The following FAT3 variants were observed in gnomAD, a reference collection of about 807,000 sequenced individuals.
FAT3 encodes the protein FAT atypical cadherin 3.
Under a neutral mutation model 310.2 loss-of-function variants are expected in FAT3, and 95 were observed. The observed-to-expected ratio is 0.31, with a 90% CI of 0.26 to 0.36. The LOEUF (loss-of-function observed/expected upper bound fraction) is 0.36. Among genes scored for constraint, FAT3 ranks in the 10% least tolerant of loss-of-function variants. The pLI is 1.00. For synonymous variants in FAT3, 2,314 were observed against 2,192.9 expected (o/e 1.06, Z -1.54); for missense variants, 5,408 against 5,715.6 (o/e 0.95, Z 1.74).
At chr11:92,606,757 T>TGGAACTA (rs1940318538) in intron 3 of FAT3, among the ~76,000 whole-genome samples, 1 of 152,226 alleles carries the variant, frequency 6.6e-6, no homozygotes. Context: ...CAGTAAACTG[T>TGGAACTA]GGAACTAGCA....
intron 2 of FAT3, among the ~76,000 whole-genome samples, chr11:92,375,195 G>T (rs750696210): frequency 1.2e-4 from 18 of 152,018 alleles, no homozygotes; most frequent in Admixed American, 1.1e-3. Context: ...GTGCAGTTGT[G>T]GGGTCATAGC....
At chr11:92,667,800 C>A (rs1206821306) in intron 3 of FAT3, among the ~76,000 whole-genome samples, 1 of 152,206 alleles carries the variant, frequency 6.6e-6, no homozygotes, top group Non-Finnish European at 1.5e-5. Context: ...CTTTGTGGAG[C>A]TGGGGCTTTT....
chr11:92,855,243 G>A (rs866869186), intron 19 of FAT3, among the ~76,000 whole-genome samples: 9 of 152,224 alleles, frequency 5.9e-5, no homozygotes, highest in African/African-American at 2.2e-4. Context: ...CAGGCCTGAG[G>A]TTAAGCTACT....
chr11:92,227,838 G>C (rs1196818594), intron 1 of FAT3, among the ~76,000 whole-genome samples: 2 of 148,548 alleles, frequency 1.3e-5, no homozygotes, highest in Admixed American at 6.7e-5. Context: ...GGCTCTAAGA[G>C]ACAAAGACAA....
At chr11:92,778,151 C>T (rs187170824) in intron 7 of FAT3, among the ~76,000 whole-genome samples, 1 of 152,274 alleles carries the variant, frequency 6.6e-6, no homozygotes, top group African/African-American at 2.4e-5. Flanking sequence ...TCTGTGGCCA[C>T]ACCAGGCCAA....
At chr11:92,724,262 G>T (rs886381250) in intron 4 of FAT3, among the ~76,000 whole-genome samples, 9 of 152,082 alleles carry the variant, frequency 5.9e-5, no homozygotes, top group Admixed American at 2.0e-4. Context: ...CCTCCATGTG[G>T]CCCCTCATCC....
intron 13 of FAT3, 29 bp from the exon 14 acceptor site, chr11:92,831,593 C>A (rs1364023678): frequency 1.9e-6 from 3 of 1,584,746 alleles, no homozygotes; most frequent in East Asian, 2.2e-5. Flanking sequence ...ATGTTCTTGC[C>A]CACTCATTTT....
intron 4 of FAT3, among the ~76,000 whole-genome samples, chr11:92,750,248 C>T (rs1257818461): frequency 1.3e-5 from 2 of 152,074 alleles, no homozygotes; most frequent in African/African-American, 4.8e-5. Context: ...TGTCTTCTAC[C>T]TTAGAAGAGT....
intron 1 of FAT3, 21 bp from the exon 2 acceptor site, chr11:92,352,071 TTCTC>T: frequency 2.4e-6 from 3 of 1,236,916 alleles, no homozygotes; most frequent in African/African-American, 1.6e-5. Flanking sequence ...AATTTATCTT[TTCTC>T]TCTCTCTTTC....
intron 3 of FAT3, among the ~76,000 whole-genome samples, chr11:92,623,379 C>T (rs191028732): frequency 6.6e-6 from 1 of 152,166 alleles, no homozygotes; most frequent in African/African-American, 2.4e-5. Flanking sequence ...CAACACATAG[C>T]AGTACTCATA....
intron 22 of FAT3, among the ~76,000 whole-genome samples, chr11:92,878,986 T>C (rs145534093): frequency 6.6e-6 from 1 of 151,876 alleles, no homozygotes; most frequent in Non-Finnish European, 1.5e-5. Flanking sequence ...TAAACCCATA[T>C]AAAGTACATC....
At chr11:92,615,849 T>A (rs1940777186) in intron 3 of FAT3, among the ~76,000 whole-genome samples, 1 of 152,236 alleles carries the variant, frequency 6.6e-6, no homozygotes, top group African/African-American at 2.4e-5. Context: ...AGACAGTTTG[T>A]TATAATTTCT....
At chr11:92,658,293 A>G (rs545166261) in intron 3 of FAT3, among the ~76,000 whole-genome samples, 42 of 152,340 alleles carry the variant, frequency 2.8e-4, no homozygotes, top group African/African-American at 9.6e-4. Flanking sequence ...GGAATTAAAT[A>G]TAAGTTTTTA....
At chr11:92,830,764 C>T (rs1948225919) in intron 13 of FAT3, among the ~76,000 whole-genome samples, 1 of 152,110 alleles carries the variant, frequency 6.6e-6, no homozygotes, top group Non-Finnish European at 1.5e-5. Context: ...TCCAATTGCT[C>T]AGGCCAAAAC....
chr11:92,425,211 A>G (rs1000693079), intron 2 of FAT3, among the ~76,000 whole-genome samples: 1 of 151,976 alleles, frequency 6.6e-6, no homozygotes, highest in Non-Finnish European at 1.5e-5. Context: ...GTGATTTTTT[A>G]AAAAGGTATT....
chr11:92,485,777 A>G (rs1952362941), intron 2 of FAT3, among the ~76,000 whole-genome samples: 1 of 152,218 alleles, frequency 6.6e-6, no homozygotes, highest in African/African-American at 2.4e-5. Flanking sequence ...GCAAAGAATG[A>G]AACACCAGCT....
At chr11:92,501,516 C>T (rs1004434200) in intron 2 of FAT3, among the ~76,000 whole-genome samples, 23 of 152,026 alleles carry the variant, frequency 1.5e-4, no homozygotes, top group Admixed American at 6.6e-4. Context: ...CATTAAATGG[C>T]GGTATTCATG....
At chr11:92,291,586 C>G (rs576990876) in intron 1 of FAT3, among the ~76,000 whole-genome samples, 2 of 150,682 alleles carry the variant, frequency 1.3e-5, no homozygotes, top group African/African-American at 4.8e-5. Context: ...TTCCTCTGGA[C>G]GAAGAGAGTT....
intron 4 of FAT3, among the ~76,000 whole-genome samples, chr11:92,745,551 G>T (rs571746405): frequency 7.4e-6 from 1 of 134,820 alleles, no homozygotes. Context: ...AATGTGATGA[G>T]ATTAGTAGCT....
Sources: allele counts gnomAD v4.1 joint callset (sites outside exome capture counted in the v4.1 genomes callset), GRCh38; gene constraint gnomAD v4.1.1; transcripts MANE v1.5; gene names NCBI Gene and HGNC (gene_info 2026-07-23, HGNC 2026-07-21).